The following CECR2 variants were observed in gnomAD, a reference collection of about 807,000 sequenced individuals.
The protein encoded by CECR2 is chromatin remodeling regulator CECR2.
A neutral mutation model predicts 154.5 loss-of-function variants in CECR2; 30 were observed. The ratio of observed to expected loss-of-function variants is 0.19; its 90% confidence interval spans 0.15 to 0.26. The LOEUF is 0.26. CECR2 is among the 10% of genes least tolerant of loss of function. The pLI is 1.00. For synonymous variants in CECR2, 725 were observed against 683.7 expected, an observed-to-expected ratio of 1.06 and a Z score of -0.94; for missense variants, 1,743 against 1,829.3, an observed-to-expected ratio of 0.95 and a Z score of 0.86.
intron 8 of CECR2, among the ~76,000 whole-genome samples, chr22:17,513,989 C>T (rs2056006860): frequency 6.6e-6 from 1 of 152,208 alleles, no homozygotes; most frequent in Non-Finnish European, 1.5e-5. Context: ...AAAGAAACCA[C>T]AGTATTACAG....
At chr22:17,455,428 T>C (rs919817904) in intron 1 of CECR2, among the ~76,000 whole-genome samples, 4 of 152,232 alleles carry the variant, frequency 2.6e-5, no homozygotes, top group Non-Finnish European at 4.4e-5. Context: ...ACCTTGTCTC[T>C]GGCAATCTTC....
rs188241562 is a variant in CECR2, at chr22:17,449,680, G to A, written c.127-27908G>A. On this transcript the variant is annotated intron_variant, in intron 1 of 18. Transcript: ENST00000262608. ...AATTTTTTGTATTTTTAGTGGCGAC[G>A]GGGTTTCACTGTGTTAGTCAGGATG... 2.6e-4 allele frequency among the ~76,000 whole-genome samples: 40 copies of A among 151,746 alleles called. 1 individual carries two copies. The highest frequency in any genetic ancestry group is 7.8e-4 in the East Asian group (4 of 5,144).
chr22:17,544,424 G>GGAGGGA (rs1264082878), intron 16 of CECR2, among the ~76,000 whole-genome samples: 1 of 150,946 alleles, frequency 6.6e-6, no homozygotes, highest in Non-Finnish European at 1.5e-5. Context: ...TGTGAACCTG[G>GGAGGGA]GAGGGAGAGG....
At chr22:17,465,186 C>T (rs113259551) in intron 1 of CECR2, among the ~76,000 whole-genome samples, 18,926 of 151,702 alleles carry the variant, frequency 0.12, 1,642 homozygotes, top group African/African-American at 0.25. Context: ...TTAGTAAAGA[C>T]GGGGTTTCAC....
chr22:17,527,959 G>A (rs1031045726), intron 9 of CECR2, among the ~76,000 whole-genome samples: 2 of 152,148 alleles, frequency 1.3e-5, no homozygotes, highest in African/African-American at 4.8e-5. Flanking sequence ...CTGTTGGTAG[G>A]AACATAAATT....
chr22:17,497,646 G>A, intron 3 of CECR2, 60 bp downstream of exon 3: 2 of 1,549,786 alleles, frequency 1.3e-6, no homozygotes, highest in South Asian at 1.1e-5. Context: ...CAGAAATGTA[G>A]TCAGAACGTA....
chr22:17,363,122 T>G (rs1437571051), intron 1 of CECR2, among the ~76,000 whole-genome samples: 1 of 150,618 alleles, frequency 6.6e-6, no homozygotes, highest in Non-Finnish European at 1.5e-5. Context: ...CCATCTTAGC[T>G]CACTGCAACC....
chr22:17,430,228 C>G (rs2054400095), intron 1 of CECR2, among the ~76,000 whole-genome samples: 1 of 152,124 alleles, frequency 6.6e-6, no homozygotes, highest in South Asian at 2.1e-4. Flanking sequence ...TGTCAAACTT[C>G]AGTACAGTTC....
At position 17,507,920 on chromosome 22, in the gene CECR2, C is replaced by A. The variant is rs117864399; in HGVS notation, c.870+2904C>A. 4.2e-3 allele frequency among the ~76,000 whole-genome samples: 645 copies of A among 152,202 alleles called. 2 individuals are homozygous for A. The highest frequency in any genetic ancestry group is 7.4e-3 in the Non-Finnish European group (502 of 68,020). On this transcript the variant is annotated intron_variant, in intron 7 of 18. Transcript: ENST00000262608. The stretch of plus-strand genomic sequence containing the variant: ...AATTAGGGAGTTCTCACAGAAGGAT[C>A]GATTTATTCACAGGTAAAGTTTTCT...
Position 17,542,705 on chromosome 22 carries a change from T to C in CECR2, c.2562T>C (p.Pro854=), listed in dbSNP as rs1466767609. 1 of 1,613,990 alleles carries C rather than the reference T, an allele frequency of 6.2e-7. No homozygotes were observed. Among genetic ancestry groups the C allele is most frequent in the Admixed American group, 1.7e-5 (1 of 60,022 alleles). The change falls in exon 16 of 19, where the codon CCT becomes CCC. Residue 854 remains proline (P), a synonymous_variant. Transcript: ENST00000262608. Reference sequence around the variant, plus strand: ...CTGCCGGACATCGGTTACAGCCACCTCCAGTGCCAGCACCCAGTTCTTTGT... The same window carrying C: ...CTGCCGGACATCGGTTACAGCCACCCCCAGTGCCAGCACCCAGTTCTTTGT... ...CKSAGHRLQP[P]PVPAPSSLFG...
At chr22:17,546,743 A>T (rs1023534148) in intron 16 of CECR2, among the ~76,000 whole-genome samples, 1 of 151,670 alleles carries the variant, frequency 6.6e-6, no homozygotes, top group Non-Finnish European at 1.5e-5. Context: ...GAAAGATAAT[A>T]AAAAGATTAT....
At chr22:17,540,850 A>C in intron 14 of CECR2, 50 bp downstream of exon 14, 4 of 1,495,136 alleles carry the variant, frequency 2.7e-6, no homozygotes, top group South Asian at 1.4e-5. Context: ...TTGTGAGTTC[A>C]TAGTAATGTA....
At chr22:17,496,972 T>C (rs1266531040) in intron 2 of CECR2, among the ~76,000 whole-genome samples, 1 of 152,236 alleles carries the variant, frequency 6.6e-6, no homozygotes, top group Admixed American at 6.5e-5. Context: ...TTCCTGTTAC[T>C]GTTTTTCATT....
At chr22:17,514,080 G>A (rs1044215917) in intron 8 of CECR2, among the ~76,000 whole-genome samples, 1 of 152,200 alleles carries the variant, frequency 6.6e-6, no homozygotes, top group East Asian at 1.9e-4. Flanking sequence ...CATGGAGGCA[G>A]GGTTTCTGGC....
intron 8 of CECR2, 142 bp downstream of exon 8, chr22:17,512,038 A>G (rs1164373375): frequency 1.2e-5 from 8 of 649,386 alleles, no homozygotes; most frequent in Non-Finnish European, 2.1e-5. Context: ...CTTATGCTTA[A>G]GATACATTTC....
chr22:17,417,555 G>A (rs1219661200), intron 1 of CECR2, among the ~76,000 whole-genome samples: 1 of 152,074 alleles, frequency 6.6e-6, no homozygotes, highest in Non-Finnish European at 1.5e-5. Flanking sequence ...ATAGCCTCAA[G>A]CCATTCACAC....
intron 1 of CECR2, among the ~76,000 whole-genome samples, chr22:17,386,265 G>T (rs191100933): frequency 1.5e-3 from 228 of 152,226 alleles, no homozygotes; most frequent in African/African-American, 5.3e-3. Context: ...GAGAGGGAGA[G>T]GCTGAGACTT....
intron 1 of CECR2, among the ~76,000 whole-genome samples, chr22:17,406,567 T>G (rs1382654819): frequency 1.3e-5 from 2 of 151,976 alleles, no homozygotes; most frequent in African/African-American, 4.8e-5. Flanking sequence ...AGAATGTGTA[T>G]TCTGCTGTTC....
rs2054593986 is a variant in CECR2 at position 17,442,146 on chromosome 22, G to GC, written c.127-35442_127-35441insC. Among the ~76,000 whole-genome samples the GC allele has an allele frequency of 3.8e-5, 5 of 131,190 alleles. No homozygotes were observed. In the East Asian group the frequency reaches 1.4e-3, roughly 36 times the overall value. The allele number at this position is 131,190 out of a possible 152,430, so 86.1% of individuals were successfully genotyped here. On this transcript the variant is annotated intron_variant, in intron 1 of 18. Coordinates refer to ENST00000262608, the MANE Select transcript of CECR2 (RefSeq NM_001290047.2). ...AAGAAGATTCAAGGTGGGAAAGACA[G>GC]AAAAAACCGCAAAACAAGAGCATGT...
Sources: allele counts gnomAD v4.1 joint callset (sites outside exome capture counted in the v4.1 genomes callset), GRCh38; gene constraint gnomAD v4.1.1; transcripts MANE v1.5; gene names NCBI Gene and HGNC (gene_info 2026-07-23, HGNC 2026-07-21).